ABL1: variants seen among roughly 807,000 people sequenced by gnomAD.
ABL1 encodes the protein ABL proto-oncogene 1, non-receptor tyrosine kinase.
ABL1 carries 11 observed loss-of-function variants against 94.7 expected under a neutral mutation model. The ratio of observed to expected loss-of-function variants is 0.12; its 90% CI spans 0.07 to 0.19. The LOEUF (loss-of-function observed/expected upper bound fraction) is 0.19, where lower values mean the gene tolerates loss of function less well. Among genes scored for constraint, ABL1 ranks in the 10% least tolerant of loss-of-function variants. The pLI, the probability that ABL1 is intolerant of heterozygous loss-of-function variation, is 1.00. For missense variants in ABL1, 1,082 were observed against 1,489.4 expected (o/e 0.73, Z 4.50); for synonymous variants, 656 against 622.4 (o/e 1.05, Z -0.80).
At chr9:130,843,428 G>A (rs1028372652) in intron 1 of ABL1, among the ~76,000 whole-genome samples, 3 of 152,204 alleles carry the variant, frequency 2.0e-5, no homozygotes, top group Admixed American at 6.5e-5. Flanking sequence ...ATGCCATGCC[G>A]TTGTTGCCCT....
At position 130,746,472 on chromosome 9, in the gene ABL1, C is replaced by T. The variant is rs568412761; in HGVS notation, c.136+32017C>T. ...CTCCTGCCTCCTGGCAACCACTGAT[C>T]TGTTCTCATCACTATTGTTTTGTCC... On this transcript the variant is annotated intron_variant, in intron 1 of 10. Coordinates refer to the ABL1 transcript ENST00000372348. Among the ~76,000 whole-genome samples the T allele has an allele frequency of 6.3e-4, 96 of 151,300 alleles. 1 individual carries two copies. Among genetic ancestry groups the T allele is most frequent in the Non-Finnish European group, 1.3e-3 (89 of 67,926 alleles).
At chr9:130,873,159 C>A in intron 6 of ABL1, 122 bp downstream of exon 6, 2 of 1,022,908 alleles carry the variant, frequency 2.0e-6, no homozygotes, top group Non-Finnish European at 2.8e-6. Context: ...GTGCTGGCAA[C>A]ACATTGGACC....
At position 130,880,253 on chromosome 9, in the gene ABL1, C is replaced by A; in HGVS notation, c.1513+96C>A. The A allele has an allele frequency of 7.4e-7, 1 of 1,353,448 alleles. No individual in the cohort carries two copies. 83.8% of individuals were successfully genotyped at this position (1,353,448 alleles called of 1,614,324 possible). ...TTCGGTTCACTTCCTGGTGAAAGTT[C>A]ACAGACCAGCCTGTCCTGAGACCAG... On this transcript the variant is annotated intron_variant, in intron 9 of 10. Coordinates refer to ENST00000318560, the MANE Select transcript of ABL1 (RefSeq NM_005157.6). The surrounding 1 kb of genome is among the most constrained non-coding windows in gnomAD (Gnocchi z 4.4).
intron 1 of ABL1, among the ~76,000 whole-genome samples, chr9:130,805,407 A>C (rs1222905270): frequency 4.6e-5 from 7 of 152,358 alleles, no homozygotes; most frequent in Admixed American, 2.6e-4. Flanking sequence ...GGCACATTTT[A>C]ATATGAATAA....
intron 1 of ABL1, among the ~76,000 whole-genome samples, chr9:130,828,003 G>C (rs1267991258): frequency 6.6e-6 from 1 of 150,792 alleles, no homozygotes; most frequent in African/African-American, 2.4e-5. Context: ...CTTGGAGAGA[G>C]AGATTGCAAA....
intron 3 of ABL1, among the ~76,000 whole-genome samples, chr9:130,860,084 A>C (rs1363895596): frequency 6.6e-6 from 1 of 152,188 alleles, no homozygotes; most frequent in African/African-American, 2.4e-5. Flanking sequence ...TCATGGAACC[A>C]GGTGCATAGC....
chr9:130,863,554 C>T lies in ABL1; in HGVS notation c.822+519C>T, dbSNP rs1187954767. Among the ~76,000 whole-genome samples the T allele has an allele frequency of 1.3e-5, 2 of 152,172 alleles. No individual in the cohort carries two copies. The highest frequency in any genetic ancestry group is 2.9e-5 in the Non-Finnish European group (2 of 68,026). On this transcript the variant is annotated intron_variant, in intron 4 of 10. Coordinates refer to ENST00000318560, the MANE Select transcript of ABL1 (RefSeq NM_005157.6). This position sits in a 1 kb window ranked among gnomAD's most constrained non-coding sequence, Gnocchi z 4.3. ...CCTGCAGGCAGAGGTGGAAGTGTCC[C>T]CGCTAGAAAGGCATCCAGGAAACTC...
intron 1 of ABL1, among the ~76,000 whole-genome samples, chr9:130,797,236 G>GGAAAAA (rs1491324780): frequency 7.2e-5 from 4 of 55,214 alleles, no homozygotes; most frequent in African/African-American, 2.4e-4. Context: ...ACTCCATCTC[G>GGAAAAA]AAAAAAAAAA....
chr9:130,736,527 G>A (rs966575408), intron 1 of ABL1, among the ~76,000 whole-genome samples: 2 of 152,282 alleles, frequency 1.3e-5, no homozygotes. Context: ...TTTCGCTCTT[G>A]TTGTCCAGGC....
At chr9:130,798,303 GTTTAA>G (rs777568872) in intron 1 of ABL1, among the ~76,000 whole-genome samples, 2 of 152,170 alleles carry the variant, frequency 1.3e-5, no homozygotes, top group Non-Finnish European at 2.9e-5. Context: ...TCAGAGTACA[GTTTAA>G]TTTACTTTGT....
intron 1 of ABL1, among the ~76,000 whole-genome samples, chr9:130,763,176 CT>C (rs60319595): frequency 3.1e-3 from 439 of 142,474 alleles, no homozygotes; most frequent in East Asian, 6.9e-3. Context: ...TGGATAATTG[CT>C]TTTTTTTTTT....
intron 1 of ABL1, among the ~76,000 whole-genome samples, chr9:130,836,643 G>GT (rs1830590084): frequency 6.6e-6 from 1 of 152,196 alleles, no homozygotes; most frequent in East Asian, 1.9e-4. Flanking sequence ...GGCCAACATG[G>GT]TGAAACCCTA....
At chr9:130,849,236 G>C (rs1041416695) in intron 1 of ABL1, among the ~76,000 whole-genome samples, 4 of 152,062 alleles carry the variant, frequency 2.6e-5, no homozygotes, top group Non-Finnish European at 5.9e-5. Flanking sequence ...GCCCTTTTCT[G>C]TGCTGTTGTT....
chr9:130,849,869 T>A (rs944508592), intron 1 of ABL1, among the ~76,000 whole-genome samples: 5 of 152,204 alleles, frequency 3.3e-5, no homozygotes, highest in South Asian at 2.1e-4. Context: ...CTTTGCCCCA[T>A]TTTTTCCATA....
intron 1 of ABL1, chr9:130,724,747 TAAAAA>T (rs34124679): frequency 7.6e-4 from 235 of 309,808 alleles, no homozygotes; most frequent in Middle Eastern, 1.4e-3. Flanking sequence ...ACCCTGTCTT[TAAAAA>T]AAAAAAAAAA....
intron 1 of ABL1, among the ~76,000 whole-genome samples, chr9:130,750,235 A>C (rs1020621380): frequency 7.4e-4 from 96 of 130,360 alleles, no homozygotes; most frequent in Middle Eastern, 3.8e-3. Context: ...ATATATATAT[A>C]TCCAAGTATA....
chr9:130,775,942 T>A (rs190384684), intron 1 of ABL1, among the ~76,000 whole-genome samples: 1 of 152,182 alleles, frequency 6.6e-6, no homozygotes, highest in African/African-American at 2.4e-5. Context: ...AGAGAAAAAT[T>A]ATTGTCAACC....
At chr9:130,851,912 C>T (rs10123295) in intron 1 of ABL1, among the ~76,000 whole-genome samples, 5,691 of 150,506 alleles carry the variant, frequency 0.038, 378 homozygotes, top group African/African-American at 0.13. Flanking sequence ...ATTACAGGTA[C>T]CCGCCACTAA....
chr9:130,862,623 TA>T lies in ABL1; in HGVS notation c.550-137del. 2.1e-6 allele frequency: 2 copies of T among 935,620 alleles called. No homozygotes were observed. The highest frequency in any genetic ancestry group is 3.1e-6 in the Non-Finnish European group (2 of 639,104). 58.0% of individuals were successfully genotyped at this position (935,620 alleles called of 1,614,324 possible). ...GAGAAAGACAGCAGAAGTGATCTTC[TA>T]AACACTCTGTCCTGTGTGGAGAGCT... On this transcript the variant is annotated intron_variant, in intron 3 of 10. Transcript: ENST00000318560. The surrounding 1 kb of genome is among the most constrained non-coding windows in gnomAD (Gnocchi z 5.5).
Sources: gnomAD v4.1 joint callset for allele counts (sites outside exome capture counted in the v4.1 genomes callset) on GRCh38, gnomAD v4.1.1 for gene constraint, Gnocchi (gnomAD v3.1) non-coding constraint, MANE v1.5 for transcripts, NCBI Gene and HGNC (gene_info 2026-07-23, HGNC 2026-07-21) for gene names.